TAFA1: variants seen among roughly 807,000 people sequenced by gnomAD.
The protein encoded by TAFA1 is TAFA chemokine like family member 1, also known as chemokine-like protein TAFA-1.
In TAFA1, 4 loss-of-function variants were observed where a neutral mutation model predicts 18.5. That is an observed-to-expected ratio of 0.22 (90% CI 0.11 to 0.49). The LOEUF is 0.49. Ranked by LOEUF, TAFA1 falls within the 20% of genes least tolerant of loss-of-function variation. The pLI, the probability that TAFA1 is intolerant of heterozygous loss-of-function variation, is 0.98. For synonymous variants in TAFA1, 56 were observed against 55.2 expected (o/e 1.01, Z -0.06); for missense variants, 147 against 169.0 (o/e 0.87, Z 0.72).
intron 3 of TAFA1, among the ~76,000 whole-genome samples, chr3:68,474,279 A>G (rs968211424): frequency 2.0e-5 from 3 of 152,156 alleles, no homozygotes; most frequent in Non-Finnish European, 2.9e-5. Flanking sequence ...TTTCACCACT[A>G]TACCAGGCTT....
chr3:68,449,875 T>A (rs1039568252), intron 3 of TAFA1, among the ~76,000 whole-genome samples: 1 of 152,226 alleles, frequency 6.6e-6, no homozygotes, highest in Non-Finnish European at 1.5e-5. Flanking sequence ...AAGGTCTACA[T>A]GCTTCAAGAA....
chr3:68,275,095 G>GAT (rs144328673), intron 2 of TAFA1, among the ~76,000 whole-genome samples: 5,228 of 151,680 alleles, frequency 0.034, 114 homozygotes, highest in South Asian at 0.062. Context: ...AGTTAATTGA[G>GAT]ATATATATAT....
intron 2 of TAFA1, among the ~76,000 whole-genome samples, chr3:68,367,158 G>A (rs1232349180): frequency 1.3e-5 from 2 of 152,142 alleles, no homozygotes; most frequent in East Asian, 1.9e-4. Context: ...TAAATGATGA[G>A]GTTGCCTATT....
At chr3:68,254,185 C>G (rs1312818604) in intron 2 of TAFA1, among the ~76,000 whole-genome samples, 1 of 151,620 alleles carries the variant, frequency 6.6e-6, no homozygotes, top group African/African-American at 2.4e-5. Context: ...ATCTATCTAT[C>G]TAATCTGTCT....
chr3:68,156,357 G>A (rs2106930806), intron 2 of TAFA1, among the ~76,000 whole-genome samples: 1 of 152,300 alleles, frequency 6.6e-6, no homozygotes, highest in South Asian at 2.1e-4. Context: ...AAGCAACGCT[G>A]CCTGGTAGTC....
Position 68,369,098 on chromosome 3 carries a change from A to C in TAFA1, c.119-48182A>C, listed in dbSNP as rs548053793. ...CTATAGCAGGCACTTCACTTCTTTA[A>C]AACACATTTTATAATATCAACCTTT... is the stretch of plus-strand genomic sequence containing the variant. On this transcript the variant is annotated intron_variant, in intron 2 of 4. Coordinates refer to ENST00000478136, the MANE Select transcript of TAFA1 (RefSeq NM_213609.4). Among the ~76,000 whole-genome samples the C allele has an allele frequency of 1.1e-4, 16 of 152,294 alleles. No individual in the cohort carries two copies. In the South Asian group the frequency reaches 3.1e-3, roughly 30 times the overall value.
intron 3 of TAFA1, among the ~76,000 whole-genome samples, chr3:68,439,351 T>C (rs189495412): frequency 6.8e-6 from 1 of 147,402 alleles, no homozygotes; most frequent in Non-Finnish European, 1.5e-5. Context: ...TTTGGCCTTC[T>C]ACAAAGCTGT....
At chr3:68,481,603 C>A (rs115678855) in intron 3 of TAFA1, among the ~76,000 whole-genome samples, 13 of 152,280 alleles carry the variant, frequency 8.5e-5, no homozygotes, top group Non-Finnish European at 1.6e-4. Context: ...TACTGAAACT[C>A]TTTCTTTATC....
At position 68,233,899 on chromosome 3, in the gene TAFA1, A is replaced by G. The variant is rs1019284507; in HGVS notation, c.119-183381A>G. ...CACTCCAATTTTTAATGTCTAGAGC[A>G]TTAAATAAATTCCCATTTTACTGAC... is the stretch of plus-strand genomic sequence containing the variant. On this transcript the variant is annotated intron_variant, in intron 2 of 4. Coordinates refer to ENST00000478136, the MANE Select transcript of TAFA1 (RefSeq NM_213609.4). 2.0e-5 allele frequency among the ~76,000 whole-genome samples: 3 copies of G among 152,134 alleles called. No individual in the cohort carries two copies. In the East Asian group the frequency reaches 5.8e-4, roughly 29 times the overall value.
At chr3:68,009,782 T>C (rs1451393108) in intron 2 of TAFA1, among the ~76,000 whole-genome samples, 2 of 152,210 alleles carry the variant, frequency 1.3e-5, no homozygotes, top group African/African-American at 4.8e-5. Flanking sequence ...AAAAATATGC[T>C]TTTATTTTGG....
chr3:68,164,171 C>T (rs555973680), intron 2 of TAFA1, among the ~76,000 whole-genome samples: 3 of 152,312 alleles, frequency 2.0e-5, no homozygotes, highest in South Asian at 2.1e-4. Context: ...TGAGTCAGCA[C>T]GTTTATTACA....
chr3:68,040,249 C>T (rs1705136152), intron 2 of TAFA1, among the ~76,000 whole-genome samples: 1 of 152,186 alleles, frequency 6.6e-6, no homozygotes, highest in South Asian at 2.1e-4. Context: ...GGCAATTTTA[C>T]TCACCTGCTC....
intron 2 of TAFA1, among the ~76,000 whole-genome samples, chr3:68,191,106 G>C (rs567685251): frequency 1.4e-3 from 220 of 151,890 alleles, no homozygotes; most frequent in Admixed American, 1.7e-3. Context: ...TGAAGAGATG[G>C]GAGAGGTGAA....
chr3:68,327,535 T>C (rs1271247134), intron 2 of TAFA1, among the ~76,000 whole-genome samples: 7 of 152,140 alleles, frequency 4.6e-5, no homozygotes, highest in Non-Finnish European at 8.8e-5. Context: ...CTGGTCAAAA[T>C]ATGAAACATC....
intron 3 of TAFA1, among the ~76,000 whole-genome samples, chr3:68,537,365 C>T (rs2073293084): frequency 6.6e-6 from 1 of 152,144 alleles, no homozygotes; most frequent in East Asian, 1.9e-4. Context: ...AACTTACATA[C>T]TATCTTGAAA....
chr3:68,488,707 T>A (rs1400533707), intron 3 of TAFA1, among the ~76,000 whole-genome samples: 1 of 152,178 alleles, frequency 6.6e-6, no homozygotes, highest in Non-Finnish European at 1.5e-5. Context: ...AATAGAAGAT[T>A]ATTAGTGTAC....
chr3:68,149,687 C>A (rs997402472), intron 2 of TAFA1, among the ~76,000 whole-genome samples: 3 of 152,200 alleles, frequency 2.0e-5, no homozygotes, highest in African/African-American at 7.2e-5. Flanking sequence ...GACCCAAACA[C>A]CTCGGATTAG....
At chr3:68,000,744 A>G (rs146848305), upstream of TAFA1, among the ~76,000 whole-genome samples, 337 of 152,304 alleles carry the variant, frequency 2.2e-3, no homozygotes, top group African/African-American at 7.6e-3. Context: ...AGTTCAGGTA[A>G]AAGATGATGG....
intron 3 of TAFA1, among the ~76,000 whole-genome samples, chr3:68,493,821 C>T (rs915380577): frequency 6.6e-6 from 1 of 152,132 alleles, no homozygotes; most frequent in Non-Finnish European, 1.5e-5. Context: ...TGACGTTTTC[C>T]TGCCCCATTC....
Sources: allele counts gnomAD v4.1 joint callset (sites outside exome capture counted in the v4.1 genomes callset), GRCh38; gene constraint gnomAD v4.1.1; transcripts MANE v1.5; gene names NCBI Gene and HGNC (gene_info 2026-07-23, HGNC 2026-07-21).